The following KLRC1 variants were observed in gnomAD, a reference collection of about 807,000 sequenced individuals.
KLRC1 encodes the protein killer cell lectin like receptor C1.
In KLRC1, 22 loss-of-function variants were observed where a neutral mutation model predicts 25.9. The ratio of observed to expected loss-of-function variants is 0.85; its 90% CI spans 0.61 to 1.21. KLRC1 has a LOEUF of 1.21. Ranked by LOEUF, KLRC1 falls within the 50% of genes most tolerant of loss-of-function variation. The probability of loss-of-function intolerance (pLI) is 0.00; values close to 1 mark genes in which losing one functional copy is unlikely to be tolerated. For synonymous variants in KLRC1, 77 were observed against 93.1 expected, an observed-to-expected ratio of 0.83 and a Z score of 0.99; for missense variants, 240 against 272.2, an observed-to-expected ratio of 0.88 and a Z score of 0.83.
chr12:10,447,456 AG>A, intron 6 of KLRC1, 75 bp downstream of exon 6: 1 of 1,220,178 alleles, frequency 8.2e-7, no homozygotes, highest in African/African-American at 1.5e-5. Context: ...GATTCCACAT[AG>A]ATTTATTCAT....
chr12:10,447,230 T>A (rs952923740), intron 6 of KLRC1: 4 of 231,984 alleles, frequency 1.7e-5, no homozygotes, highest in Non-Finnish European at 3.3e-5. Context: ...TTCTTTTTTT[T>A]GCTCGTCAGC....
chr12:10,451,998 T>C (rs1864136520), intron 1 of KLRC1, among the ~76,000 whole-genome samples: 1 of 151,792 alleles, frequency 6.6e-6, no homozygotes, highest in South Asian at 2.1e-4. Flanking sequence ...GGTCTTTTCT[T>C]AATGGCTGAA....
intron 2 of KLRC1, among the ~76,000 whole-genome samples, 158 bp from the exon 3 acceptor site, chr12:10,450,737 C>T (rs184265720): frequency 4.6e-5 from 7 of 151,948 alleles, no homozygotes; most frequent in Admixed American, 2.0e-4. Flanking sequence ...GAATAATATA[C>T]CATTGAATTT....
At chr12:10,449,488 A>G (rs938653342) in intron 4 of KLRC1, 100 bp from the exon 5 acceptor site, 4 of 1,522,392 alleles carry the variant, frequency 2.6e-6, no homozygotes, top group South Asian at 1.3e-5. Flanking sequence ...CGTATGCAAC[A>G]TATCTATACA....
In KLRC1 at chr12:10,449,914, C is replaced by A; in HGVS notation, c.337G>T (p.Ala113Ser). The A allele has an allele frequency of 6.8e-7, 1 of 1,473,896 alleles. No homozygotes were observed. The highest frequency in any genetic ancestry group is 2.6e-5 in the East Asian group (1 of 39,158). 91.3% of individuals were successfully genotyped at this position (1,473,896 alleles called of 1,614,324 possible). Residue 113 changes from alanine (A) to serine (S), a missense_variant and splice_region_variant, in exon 4 of 7, where the codon GCA becomes TCA. Ala to Ser is a moderately conservative substitution (Grantham distance 99). Transcript: ENST00000359151. ...NSSLNTRTQKARHCGHCPEEW... is the reference protein window; with the variant it reads ...NSSLNTRTQKSRHCGHCPEEW... ...TAAAACTTTAAAAATTATTATATAC[C>A]TTTCTGAGTTCTTGTATTCAGGGAA...
At chr12:10,444,472 A>G (rs1591610430), downstream of KLRC1, among the ~76,000 whole-genome samples, 1 of 152,156 alleles carries the variant, frequency 6.6e-6, no homozygotes, top group African/African-American at 2.4e-5. Context: ...TTGAGCCACC[A>G]CAACTGGCCT....
Position 10,451,198 on chromosome 12 carries a change from A to G in KLRC1, c.-31-11T>C. ...GTCAGGGACTGTACTCTATAATAAC[A>G]GTAGTTAAGAAGTTAATAAATGGTT... On this transcript the variant is annotated splice_polypyrimidine_tract_variant and intron_variant, in intron 1 of 6. Transcript: ENST00000359151. 1 of 1,498,724 alleles carries G rather than the reference A, an allele frequency of 6.7e-7. No individual in the cohort carries two copies. The highest frequency in any genetic ancestry group is 8.9e-7 in the Non-Finnish European group (1 of 1,117,624). 92.8% of individuals were successfully genotyped at this position (1,498,724 alleles called of 1,614,324 possible).
chr12:10,450,017 C>A, intron 3 of KLRC1, 50 bp from the exon 4 acceptor site: 2 of 1,263,056 alleles, frequency 1.6e-6, no homozygotes, highest in Non-Finnish European at 1.0e-6. Flanking sequence ...CTAAATCAAT[C>A]ATAATAATTT....
downstream of KLRC1, among the ~76,000 whole-genome samples, chr12:10,443,724 C>G (rs1196218618): frequency 1.4e-5 from 2 of 141,120 alleles, no homozygotes; most frequent in Non-Finnish European, 3.1e-5. Context: ...CCCAAATACA[C>G]TGTAATCTCA....
intron 1 of KLRC1, 96 bp from the exon 2 acceptor site, chr12:10,451,283 C>A: frequency 1.8e-6 from 1 of 566,872 alleles, no homozygotes. Context: ...TATTGGAGCT[C>A]ATTTTGCATT....
upstream of KLRC1, among the ~76,000 whole-genome samples, chr12:10,453,859 T>A (rs2137902874): frequency 6.6e-6 from 1 of 152,308 alleles, no homozygotes; most frequent in East Asian, 1.9e-4. Flanking sequence ...CTCTTAGTTC[T>A]TAAATTTTTG....
chr12:10,451,139 T>C lies in KLRC1; in HGVS notation c.18A>G (p.Val6=). The C allele has an allele frequency of 6.2e-7, 1 of 1,613,430 alleles. No individual in the cohort carries two copies. Among genetic ancestry groups the C allele is most frequent in the Non-Finnish European group, 8.5e-7 (1 of 1,179,704 alleles). Residue 6 remains valine, a synonymous_variant, in exon 2 of 7, where the codon GTA becomes GTG. Coordinates refer to ENST00000359151, the MANE Select transcript of KLRC1 (RefSeq NM_002259.5). MDNQG[V]IYSDLNLPPN... Reference sequence around the variant, plus strand: ...GGGGCAGATTCAGGTCTGAGTAGATTACTCCTTGGTTATCCATCTCTGCAG... The same window carrying C: ...GGGGCAGATTCAGGTCTGAGTAGATCACTCCTTGGTTATCCATCTCTGCAG...
downstream of KLRC1, among the ~76,000 whole-genome samples, chr12:10,443,717 A>C (rs1037679210): frequency 5.0e-5 from 7 of 141,230 alleles, 1 homozygote; most frequent in African/African-American, 1.6e-4. Flanking sequence ...TATTTTTCCC[A>C]AATACACTGT....
chr12:10,449,519 T>C, intron 4 of KLRC1, 131 bp from the exon 5 acceptor site: 2 of 1,460,612 alleles, frequency 1.4e-6, no homozygotes, highest in Middle Eastern at 1.8e-4. Flanking sequence ...CTGGTAAATA[T>C]ATAGTGTCAA....
At chr12:10,444,618 C>G (rs188983936), downstream of KLRC1, among the ~76,000 whole-genome samples, 1 of 152,268 alleles carries the variant, frequency 6.6e-6, no homozygotes, top group African/African-American at 2.4e-5. Context: ...CGCAGTGCAT[C>G]AAATAGAAAT....
At chr12:10,444,266 C>T (rs866015497), downstream of KLRC1, among the ~76,000 whole-genome samples, 4 of 142,956 alleles carry the variant, frequency 2.8e-5, no homozygotes, top group Non-Finnish European at 4.6e-5. Context: ...TAAAAAATCA[C>T]GATAAAGAAT....
At chr12:10,447,345 A>G (rs1864009983) in intron 6 of KLRC1, 187 bp downstream of exon 6, 4 of 492,878 alleles carry the variant, frequency 8.1e-6, no homozygotes, top group Non-Finnish European at 1.4e-5. Flanking sequence ...GAAGGTTACT[A>G]GCTGACCAAT....
chr12:10,452,021 ATTATTAAAAATTAT>A (rs1340417584), intron 1 of KLRC1, among the ~76,000 whole-genome samples: 1 of 151,742 alleles, frequency 6.6e-6, no homozygotes, highest in Non-Finnish European at 1.5e-5. Flanking sequence ...GTTCTAAGAA[ATTATTAAAAATTAT>A]TTATTAAAAA....
chr12:10,451,243 T>C, intron 1 of KLRC1, 56 bp from the exon 2 acceptor site: 1 of 1,078,904 alleles, frequency 9.3e-7, no homozygotes, highest in Non-Finnish European at 1.2e-6. Flanking sequence ...GATTCCCTAG[T>C]GCAATTAAAA....
Sources: allele counts gnomAD v4.1 joint callset (sites outside exome capture counted in the v4.1 genomes callset), GRCh38; gene constraint gnomAD v4.1.1; transcripts MANE v1.5; gene names NCBI Gene and HGNC (gene_info 2026-07-23, HGNC 2026-07-21).